The following GLB1L3 variants were observed in gnomAD, a reference collection of about 807,000 sequenced individuals.
GLB1L3 encodes beta-galactosidase-1-like protein 3.
In GLB1L3, 89 loss-of-function variants were observed where a neutral mutation model predicts 89.5. The observed-to-expected ratio is 0.99, with a 90% CI of 0.84 to 1.19. The LOEUF is 1.19. GLB1L3 is among the 50% of genes most tolerant of loss of function. The probability of loss-of-function intolerance (pLI) is 0.00; values close to 1 mark genes in which losing one functional copy is unlikely to be tolerated. For missense variants in GLB1L3, 812 were observed against 813.3 expected, an observed-to-expected ratio of 1.00 and a Z score of 0.02; for synonymous variants, 314 against 312.3, an observed-to-expected ratio of 1.01 and a Z score of -0.06.
chr11:134,285,356 C>G (rs1293153720), intron 6 of GLB1L3, among the ~76,000 whole-genome samples: 1 of 152,172 alleles, frequency 6.6e-6, no homozygotes, highest in African/African-American at 2.4e-5. Flanking sequence ...GTGCGGTCTA[C>G]AAGACAGCAT....
chr11:134,301,806 G>C (rs1941962848), intron 9 of GLB1L3, among the ~76,000 whole-genome samples: 1 of 152,124 alleles, frequency 6.6e-6, no homozygotes, highest in African/African-American at 2.4e-5. Flanking sequence ...ATTCAGACTA[G>C]TGTGAGTATT....
At chr11:134,280,715 A>G (rs899088413) in intron 3 of GLB1L3, among the ~76,000 whole-genome samples, 1 of 152,154 alleles carries the variant, frequency 6.6e-6, no homozygotes, top group Non-Finnish European at 1.5e-5. Flanking sequence ...GGTGGGCCAT[A>G]CAGTCAGTTC....
chr11:134,285,172 A>C (rs1436269458), intron 6 of GLB1L3, among the ~76,000 whole-genome samples: 1 of 151,870 alleles, frequency 6.6e-6, no homozygotes, highest in Non-Finnish European at 1.5e-5. Flanking sequence ...TCGTGATCCC[A>C]CCACCTCTGC....
chr11:134,317,812 C>T (rs1345709824), intron 18 of GLB1L3, among the ~76,000 whole-genome samples: 4 of 152,060 alleles, frequency 2.6e-5, no homozygotes, highest in East Asian at 1.9e-4. Context: ...CTGTCAATTT[C>T]GCTGATATGT....
intron 9 of GLB1L3, among the ~76,000 whole-genome samples, chr11:134,295,580 T>G (rs1280608418): frequency 1.3e-5 from 2 of 152,176 alleles, no homozygotes; most frequent in African/African-American, 4.8e-5. Flanking sequence ...TGATTTTGAT[T>G]CCCTGTTATT....
intron 9 of GLB1L3, among the ~76,000 whole-genome samples, chr11:134,294,490 T>G (rs1176567995): frequency 6.6e-6 from 1 of 152,216 alleles, no homozygotes; most frequent in Non-Finnish European, 1.5e-5. Context: ...TTTTTGTTCT[T>G]TTTTTCTTGT....
In GLB1L3 at chr11:134,314,455, TCTGCTGCC is replaced by T; in HGVS notation, c.1779+18_1779+25del. The stretch of plus-strand genomic sequence containing the variant: ...CTGAGCCTGCTGGTAGGTGATGCCC[TCTGCTGCC>T]CTGGTGTTCCAAACACCAATTTTAT... On this transcript the variant is annotated intron_variant, in intron 18 of 19. Transcript: ENST00000431683. 1 of 1,477,914 alleles carries T rather than the reference TCTGCTGCC, an allele frequency of 6.8e-7. No homozygotes were observed. The highest frequency in any genetic ancestry group is 2.5e-5 in the East Asian group (1 of 40,474). 91.6% of individuals were successfully genotyped at this position (1,477,914 alleles called of 1,614,324 possible).
rs1288165263 is a variant in GLB1L3 at position 134,310,666 on chromosome 11, T to C, written c.1180+15T>C. The C allele has an allele frequency of 1.3e-6, 2 of 1,597,574 alleles. No homozygotes were observed. The highest frequency in any genetic ancestry group is 1.7e-6 in the Non-Finnish European group (2 of 1,165,628). ...ATCTGTCTCAGGTACTCAGCACCCA[T>C]TTAACTTACGGGCCAGCCCTCCTCA... is the stretch of plus-strand genomic sequence containing the variant. On this transcript the variant is annotated intron_variant, in intron 12 of 19. Transcript: ENST00000431683.
chr11:134,320,970 C>T (rs919555185), downstream of GLB1L3, among the ~76,000 whole-genome samples: 5 of 152,130 alleles, frequency 3.3e-5, no homozygotes, highest in Non-Finnish European at 5.9e-5. Flanking sequence ...TACATCTTCA[C>T]GCTCTCAGGG....
intron 9 of GLB1L3, among the ~76,000 whole-genome samples, chr11:134,297,564 A>C (rs1369338294): frequency 6.6e-6 from 1 of 152,150 alleles, no homozygotes; most frequent in Non-Finnish European, 1.5e-5. Context: ...CTGTTGACTT[A>C]GAATTTAAAA....
chr11:134,312,682 G>T, intron 14 of GLB1L3, 134 bp from the exon 15 acceptor site: 1 of 950,466 alleles, frequency 1.1e-6, no homozygotes, highest in Non-Finnish European at 1.6e-6. Context: ...GGGCCTCCAG[G>T]CAGCTTCATG....
rs868651405 is a variant in GLB1L3 at position 134,278,586 on chromosome 11, C to G, written c.362+674C>G. 7.9e-5 allele frequency among the ~76,000 whole-genome samples: 12 copies of G among 152,146 alleles called. No individual in the cohort carries two copies. The South Asian group carries it at 8.3e-4, about 11-fold the overall frequency. ...ATGCCTGTATACAACTGACCAGCCACCCTGTATGACCACAAAAAAGCAAAA... is the reference window on the plus strand; with the variant it reads ...ATGCCTGTATACAACTGACCAGCCAGCCTGTATGACCACAAAAAAGCAAAA... On this transcript the variant is annotated intron_variant, in intron 3 of 19. Transcript: ENST00000431683.
intron 3 of GLB1L3, among the ~76,000 whole-genome samples, chr11:134,278,219 G>A (rs1940485936): frequency 6.6e-6 from 1 of 152,068 alleles, no homozygotes; most frequent in Non-Finnish European, 1.5e-5. Flanking sequence ...AATGACATAA[G>A]CTTAAGGCAC....
In GLB1L3 at chr11:134,319,228, A is replaced by C. The variant is rs2136241006; in HGVS notation, c.*286A>C. 1 of 309,624 alleles carries C rather than the reference A, an allele frequency of 3.2e-6. No individual in the cohort carries two copies. The highest frequency in any genetic ancestry group is 6.3e-5 in the East Asian group (1 of 15,822). The allele number at this position is 309,624 out of a possible 1,614,324, so 19.2% of individuals were successfully genotyped here. A position where few individuals can be genotyped will look rare whatever the true frequency, so the allele number is the denominator to read the frequency against. The stretch of plus-strand genomic sequence containing the variant: ...CTCAGCCTCCCAAAGTACTGGGATT[A>C]CAGGCGTGAGCCACCACTCCCGGCC... On this transcript the variant is annotated 3_prime_UTR_variant, in exon 20 of 20. Transcript: ENST00000431683.
At chr11:134,305,038 T>A in intron 9 of GLB1L3, 1 of 1,512,016 alleles carries the variant, frequency 6.6e-7, no homozygotes. Context: ...TAACAATGTA[T>A]CTTAGTGGCA....
chr11:134,304,934 G>A (rs981621713), intron 9 of GLB1L3, among the ~76,000 whole-genome samples: 2 of 152,036 alleles, frequency 1.3e-5, no homozygotes, highest in African/African-American at 4.8e-5. Context: ...ACTCATCTTT[G>A]ATGGAGATGA....
intron 17 of GLB1L3, 71 bp downstream of exon 17, chr11:134,314,099 C>A: frequency 9.4e-7 from 1 of 1,067,784 alleles, no homozygotes; most frequent in South Asian, 1.3e-5. Flanking sequence ...TTCCTCATTG[C>A]AGATAAAGAG....
chr11:134,303,517 T>G (rs1465288802), intron 9 of GLB1L3, among the ~76,000 whole-genome samples: 1 of 152,204 alleles, frequency 6.6e-6, no homozygotes, highest in African/African-American at 2.4e-5. Flanking sequence ...ATTTTATCTT[T>G]TAAAAGTCAT....
chr11:134,324,554 G>A (rs556856313), downstream of GLB1L3, among the ~76,000 whole-genome samples: 1 of 152,236 alleles, frequency 6.6e-6, no homozygotes, highest in South Asian at 2.1e-4. Context: ...AACATAATGT[G>A]CCTAATTTTT....
Sources: allele counts gnomAD v4.1 joint callset (sites outside exome capture counted in the v4.1 genomes callset), GRCh38; gene constraint gnomAD v4.1.1; transcripts MANE v1.5; gene names NCBI Gene and HGNC (gene_info 2026-07-23, HGNC 2026-07-21).